The following NEU3 variants were observed in gnomAD, a reference collection of about 807,000 sequenced individuals.
The protein encoded by NEU3 is sialidase-3.
Under a neutral mutation model 11.4 loss-of-function variants are expected in NEU3, and 10 were observed. The ratio of observed to expected loss-of-function variants is 0.88; its 90% confidence interval spans 0.54 to 1.49. The LOEUF (loss-of-function observed/expected upper bound fraction) is 1.49, where lower values mean the gene tolerates loss of function less well. NEU3 is among the 40% of genes most tolerant of loss of function. The pLI, the probability that NEU3 is intolerant of heterozygous loss-of-function variation, is 0.00. For synonymous variants in NEU3, 212 were observed against 228.2 expected, an observed-to-expected ratio of 0.93 and a Z score of 0.64; for missense variants, 529 against 581.8, an observed-to-expected ratio of 0.91 and a Z score of 0.93.
chr11:74,989,752 C>G (rs374282716), intron 1 of NEU3, among the ~76,000 whole-genome samples: 1 of 152,158 alleles, frequency 6.6e-6, no homozygotes, highest in African/African-American at 2.4e-5. Context: ...AGTGAGGAAA[C>G]TGAAGCTCAG....
downstream of NEU3, chr11:75,010,945 T>G (rs1035824729): frequency 4.6e-5 from 7 of 152,188 alleles, no homozygotes; most frequent in Non-Finnish European, 8.8e-5. Flanking sequence ...AGATGACTAT[T>G]ATACTAATAT....
chr11:74,989,625 G>T (rs775476521), intron 1 of NEU3, among the ~76,000 whole-genome samples: 6 of 152,160 alleles, frequency 3.9e-5, no homozygotes, highest in Non-Finnish European at 5.9e-5. Context: ...TGTTAGGAGT[G>T]AATAAATGAG....
rs542898525 is a variant in NEU3, at chr11:74,993,903, C to G, written c.95-606C>G. ...TCATCCATTCATCCATTCATGAGGACAGAGCCCTTATAACCCTATCATCTC... is the reference window on the plus strand; with the variant it reads ...TCATCCATTCATCCATTCATGAGGAGAGAGCCCTTATAACCCTATCATCTC... On this transcript the variant is annotated intron_variant, in intron 1 of 2. Transcript: ENST00000294064. Among the ~76,000 whole-genome samples the G allele has an allele frequency of 2.5e-3, 381 of 152,178 alleles. 4 individuals carry two copies. Among genetic ancestry groups the G allele is most frequent in the African/African-American group, 8.4e-3 (348 of 41,500 alleles).
intron 2 of NEU3, among the ~76,000 whole-genome samples, chr11:74,996,900 T>C (rs775434073): frequency 1.3e-5 from 2 of 152,198 alleles, no homozygotes; most frequent in African/African-American, 2.4e-5. Context: ...TGACCAGTAA[T>C]ATTTTGAAAG....
At position 75,006,731 on chromosome 11, in the gene NEU3, C is replaced by T; in HGVS notation, c.*239C>T. On this transcript the variant is annotated 3_prime_UTR_variant, in exon 3 of 3. Transcript: ENST00000294064. ...GCTCTGCCACTGGCTTGCTTTTGGACCTTGGATGTGTCACCTGAACTCTCT... is the reference window on the plus strand; with the variant it reads ...GCTCTGCCACTGGCTTGCTTTTGGATCTTGGATGTGTCACCTGAACTCTCT... 2.0e-6 allele frequency: 1 copy of T among 490,050 alleles called. No homozygotes were observed. Among genetic ancestry groups the T allele is most frequent in the Non-Finnish European group, 3.6e-6 (1 of 277,524 alleles). 30.4% of individuals were successfully genotyped at this position (490,050 alleles called of 1,614,324 possible). A position where few individuals can be genotyped will look rare whatever the true frequency, so the allele number is the denominator to read the frequency against.
chr11:75,006,089 G>A lies in NEU3; in HGVS notation c.983G>A (p.Cys328Tyr), dbSNP rs1322223359. 6.2e-7 allele frequency: 1 copy of A among 1,613,988 alleles called. No homozygotes were observed. Among genetic ancestry groups the A allele is most frequent in the South Asian group, 1.1e-5 (1 of 91,084 alleles). The change falls in exon 3 of 3, where the codon TGC becomes TAC. Residue 328 changes from cysteine to tyrosine, a missense_variant. Cys to Tyr is a radical substitution (Grantham distance 194). Coordinates refer to ENST00000294064, the MANE Select transcript of NEU3 (RefSeq NM_006656.6). ...CGGCCCCTGGAGATCCCACATAGGT[G>A]CCAGGACTCTAGCAGCAAAGATGCA... ...SFRPLEIPHR[C>Y]QDSSSKDAPT... is the part of the protein sequence containing the mutation.
upstream of NEU3, among the ~76,000 whole-genome samples, chr11:74,986,594 T>C (rs1948667080): frequency 6.6e-6 from 1 of 152,206 alleles, no homozygotes; most frequent in Non-Finnish European, 1.5e-5. Context: ...ATAAAGTTTG[T>C]TTAATATTTA....
At chr11:75,000,628 T>A (rs1948833722) in intron 2 of NEU3, among the ~76,000 whole-genome samples, 1 of 151,772 alleles carries the variant, frequency 6.6e-6, no homozygotes, top group South Asian at 2.1e-4. Flanking sequence ...TATACATTTT[T>A]TTTTTTTTTG....
exon 4 of NEU3, chr11:75,018,711 A>G (rs1387153122): frequency 6.6e-6 from 1 of 152,202 alleles, no homozygotes; most frequent in Non-Finnish European, 1.5e-5. Flanking sequence ...CTAATACAGT[A>G]AATTGGTACC....
upstream of NEU3, chr11:74,988,672 A>G (rs955480611): frequency 1.9e-5 from 5 of 265,688 alleles, no homozygotes; most frequent in South Asian, 4.2e-5. Context: ...ACAGACCAAT[A>G]TAAGAGCTCG....
chr11:74,986,193 A>C (rs2140227736), upstream of NEU3, among the ~76,000 whole-genome samples: 1 of 151,482 alleles, frequency 6.6e-6, no homozygotes, highest in African/African-American at 2.4e-5. Context: ...ACTGCTGTAT[A>C]CTGTTAAACA....
In NEU3 at chr11:75,006,755, CT is replaced by C. The variant is rs1948904330; in HGVS notation, c.*264del. The C allele has an allele frequency of 2.4e-6, 1 of 414,866 alleles. No homozygotes were observed. Among genetic ancestry groups the C allele is most frequent in the Non-Finnish European group, 4.3e-6 (1 of 232,772 alleles). The allele number at this position is 414,866 out of a possible 1,614,324, so 25.7% of individuals were successfully genotyped here. On this transcript the variant is annotated 3_prime_UTR_variant, in exon 3 of 3. Coordinates refer to ENST00000294064, the MANE Select transcript of NEU3 (RefSeq NM_006656.6). ...ACCTTGGATGTGTCACCTGAACTCT[CT>C]GGACCTCAGGTTTCCATCTGTAAAA... is the stretch of plus-strand genomic sequence containing the variant.
intron 3 of NEU3, among the ~76,000 whole-genome samples, chr11:75,016,336 C>T (rs1948981258): frequency 6.6e-6 from 1 of 152,206 alleles, no homozygotes; most frequent in Non-Finnish European, 1.5e-5. Flanking sequence ...GCTCCCTCCC[C>T]TAAGCGACCC....
chr11:74,985,512 T>C (rs998989082), upstream of NEU3, among the ~76,000 whole-genome samples: 3 of 152,194 alleles, frequency 2.0e-5, no homozygotes, highest in Admixed American at 2.0e-4. Context: ...ATATATATGG[T>C]TATTGTTTTA....
In NEU3 at chr11:75,005,833, G is replaced by A; in HGVS notation, c.727G>A (p.Val243Ile). The A allele has an allele frequency of 1.2e-6, 2 of 1,614,000 alleles. No individual in the cohort carries two copies. Among genetic ancestry groups the A allele is most frequent in the South Asian group, 2.2e-5 (2 of 91,082 alleles). The change falls in exon 3 of 3, where the codon GTC (valine) becomes ATC (isoleucine). Residue 243 changes from valine (V) to isoleucine (I), a missense_variant. Val to Ile is a conservative substitution (Grantham distance 29). Transcript: ENST00000294064. ...GATGATCTACAGTGATGACCTAGGG[G>A]TCACATGGCACCATGGTAGACTCAT... ...SLMIYSDDLG[V>I]TWHHGRLIRP...
At chr11:74,989,718 AG>A (rs1948710001) in intron 1 of NEU3, among the ~76,000 whole-genome samples, 1 of 152,220 alleles carries the variant, frequency 6.6e-6, no homozygotes, top group Non-Finnish European at 1.5e-5. Context: ...TCTGAGAAGT[AG>A]GCGGTATTAT....
At chr11:74,985,337 C>T (rs1387425921), upstream of NEU3, among the ~76,000 whole-genome samples, 1 of 152,206 alleles carries the variant, frequency 6.6e-6, no homozygotes, top group East Asian at 1.9e-4. Flanking sequence ...TATCTTACTT[C>T]CTGCACTTTC....
At chr11:75,011,914 T>C (rs1948958259), downstream of NEU3, among the ~76,000 whole-genome samples, 1 of 152,158 alleles carries the variant, frequency 6.6e-6, no homozygotes, top group African/African-American at 2.4e-5. Flanking sequence ...CACTTGCTCA[T>C]TGCCTGGCTT....
chr11:74,998,002 G>A (rs1476367574), intron 2 of NEU3, among the ~76,000 whole-genome samples: 6 of 152,174 alleles, frequency 3.9e-5, no homozygotes, highest in Admixed American at 3.9e-4. Flanking sequence ...AGTGAAAGAT[G>A]GGGGACTCTT....
Sources: allele counts gnomAD v4.1 joint callset (sites outside exome capture counted in the v4.1 genomes callset), GRCh38; gene constraint gnomAD v4.1.1; transcripts MANE v1.5; gene names NCBI Gene and HGNC (gene_info 2026-07-23, HGNC 2026-07-21).